PACRGL: variants seen among roughly 807,000 people sequenced by gnomAD.
PACRGL encodes PACRG-like protein.
A neutral mutation model predicts 34.5 loss-of-function variants in PACRGL; 38 were observed. The observed-to-expected ratio is 1.10, with a 90% confidence interval of 0.85 to 1.44. PACRGL has a LOEUF of 1.44. PACRGL is among the 40% of genes most tolerant of loss of function. The pLI, the probability that PACRGL is intolerant of heterozygous loss-of-function variation, is 0.00. For missense variants in PACRGL, 305 were observed against 281.4 expected (o/e 1.08, Z -0.60); for synonymous variants, 128 against 100.1 (o/e 1.28, Z -1.66).
chr4:20,731,940 GC>G lies in PACRGL; in HGVS notation c.*4600del. 6.3e-7 allele frequency: 1 copy of G among 1,597,536 alleles called. No individual in the cohort carries two copies. The highest frequency in any genetic ancestry group is 1.1e-5 in the South Asian group (1 of 88,732). On this transcript the variant is annotated 3_prime_UTR_variant, in exon 9 of 9. Coordinates refer to ENST00000503585, the MANE Select transcript of PACRGL (RefSeq NM_001258345.3). ...TATTTCGCCCAGTTCATGGTAGCTAGCTGCTAATACTCAGTTTAGCTGTTAT... is the reference window on the plus strand; with the variant it reads ...TATTTCGCCCAGTTCATGGTAGCTAGTGCTAATACTCAGTTTAGCTGTTAT...
intron 1 of PACRGL, among the ~76,000 whole-genome samples, chr4:20,703,794 A>G (rs1347459113): frequency 2.0e-5 from 3 of 152,186 alleles, no homozygotes; most frequent in African/African-American, 7.2e-5. Flanking sequence ...AATTGGTAGA[A>G]CTGAGATGCA....
downstream of PACRGL, among the ~76,000 whole-genome samples, chr4:20,735,155 T>C (rs909046840): frequency 6.6e-6 from 1 of 152,234 alleles, no homozygotes; most frequent in Non-Finnish European, 1.5e-5. Context: ...CCATAAAAGA[T>C]AAACCAATTG....
downstream of PACRGL, among the ~76,000 whole-genome samples, chr4:20,756,586 G>A (rs73240300): frequency 0.058 from 8,788 of 151,756 alleles, 340 homozygotes; most frequent in Non-Finnish European, 0.09. Flanking sequence ...GTCTCTATTG[G>A]TTGTCGCTGT....
intron 4 of PACRGL, 73 bp downstream of exon 4, chr4:20,707,943 T>C: frequency 8.7e-7 from 1 of 1,154,520 alleles, no homozygotes; most frequent in Non-Finnish European, 1.3e-6. Flanking sequence ...ATATTTAGTT[T>C]AAATGTATTG....
Position 20,707,844 on chromosome 4 carries a change from TTACTC to T in PACRGL, c.252_256del (p.Tyr84Ter), listed in dbSNP as rs1400931513. The T allele has an allele frequency of 1.5e-5, 25 of 1,613,814 alleles. No homozygotes were observed. The highest frequency in any genetic ancestry group is 3.3e-5 in the South Asian group (3 of 91,056). ...GAGTGCCTTCTGCATTTGCAGCTAT[TTACTC>T]TAAAGGAGGTATTCCTTGCAGGTAA... is the stretch of plus-strand genomic sequence containing the variant. On this transcript the variant is annotated frameshift_variant, in exon 4 of 9. Transcript: ENST00000503585. LOFTEE classifies it high-confidence loss of function.
At chr4:20,711,829 A>G (rs1737388313) in intron 5 of PACRGL, among the ~76,000 whole-genome samples, 1 of 152,126 alleles carries the variant, frequency 6.6e-6, no homozygotes, top group Admixed American at 6.6e-5. Flanking sequence ...TTTTTAAAAT[A>G]TTTTCATACT....
chr4:20,720,485 G>T (rs1742525198), intron 7 of PACRGL, among the ~76,000 whole-genome samples: 1 of 152,150 alleles, frequency 6.6e-6, no homozygotes, highest in Admixed American at 6.5e-5. Flanking sequence ...TCCTTTCCAT[G>T]TTTAGTGTTT....
rs549379843 is a variant in PACRGL at position 20,751,402 on chromosome 4, C to G, written c.*57-1163C>G. Among the ~76,000 whole-genome samples the G allele has an allele frequency of 1.1e-3, 163 of 152,224 alleles. 1 individual carries two copies. Among genetic ancestry groups the G allele is most frequent in the African/African-American group, 3.7e-3 (153 of 41,556 alleles). On this transcript the variant is annotated intron_variant, in intron 8 of 8. Transcript: ENST00000507634. Reference sequence around the variant, plus strand: ...TTGGGAAGCTCCATTATAGAGTTATCAAGAATTGGCAGCCTATTTCAACTT... The same window carrying G: ...TTGGGAAGCTCCATTATAGAGTTATGAAGAATTGGCAGCCTATTTCAACTT...
Position 20,721,917 on chromosome 4 carries a change from C to A in PACRGL, c.610-2891C>A, listed in dbSNP as rs575072491. ...CCTTTTGTTTGGCTATGCCCTGCCC[C>A]CAGAGGTGGAGTCTACAGAGGCAGG... On this transcript the variant is annotated intron_variant, in intron 7 of 8. Coordinates refer to ENST00000503585, the MANE Select transcript of PACRGL (RefSeq NM_001258345.3). Among the ~76,000 whole-genome samples, 701 of 152,316 alleles carry A rather than the reference C, an allele frequency of 4.6e-3. 5 individuals are homozygous for A. The highest frequency in any genetic ancestry group is 0.024 in the Middle Eastern group (7 of 294).
rs1371022977 is a variant in PACRGL at position 20,728,312 on chromosome 4, C to G, written c.*971C>G. The G allele has an allele frequency of 1.3e-5, 2 of 152,110 alleles. No homozygotes were observed. The highest frequency in any genetic ancestry group is 2.9e-5 in the Non-Finnish European group (2 of 68,016). 9.4% of individuals were successfully genotyped at this position (152,110 alleles called of 1,614,324 possible). On this transcript the variant is annotated 3_prime_UTR_variant, in exon 9 of 9. Coordinates refer to ENST00000503585, the MANE Select transcript of PACRGL (RefSeq NM_001258345.3). ...TTCATAGCCAGAAAATACTGATGTT[C>G]ACTTAAAGATATTCAGCAATTAAAA...
At chr4:20,715,999 G>A in intron 7 of PACRGL, 3 of 962,260 alleles carry the variant, frequency 3.1e-6, no homozygotes, top group South Asian at 1.7e-5. Flanking sequence ...ACATGTTTAA[G>A]TATTTTTGTT....
Position 20,730,100 on chromosome 4 carries a change from G to C in PACRGL, c.*2759G>C, listed in dbSNP as rs1476099524. 1 of 1,608,734 alleles carries C rather than the reference G, an allele frequency of 6.2e-7. No homozygotes were observed. Among genetic ancestry groups the C allele is most frequent in the Admixed American group, 1.7e-5 (1 of 58,536 alleles). On this transcript the variant is annotated 3_prime_UTR_variant, in exon 9 of 9. Transcript: ENST00000503585. ...TGACAAGTTAAATCACATTTTCAAA[G>C]AGCTGCATGGAGCGCATTATGTTTT...
At chr4:20,753,222 CTAGT>C (rs1008515386), downstream of PACRGL, among the ~76,000 whole-genome samples, 8 of 152,072 alleles carry the variant, frequency 5.3e-5, no homozygotes, top group South Asian at 8.3e-4. Flanking sequence ...CTGAGGTCAC[CTAGT>C]TAGTTCATGG....
At chr4:20,754,537 A>G (rs1754176741), downstream of PACRGL, among the ~76,000 whole-genome samples, 1 of 152,242 alleles carries the variant, frequency 6.6e-6, no homozygotes, top group South Asian at 2.1e-4. Context: ...TTATGTAAGA[A>G]ACAATTTGTA....
At chr4:20,716,917 A>C (rs1215209182) in intron 7 of PACRGL, among the ~76,000 whole-genome samples, 1 of 152,080 alleles carries the variant, frequency 6.6e-6, no homozygotes, top group Non-Finnish European at 1.5e-5. Flanking sequence ...ACACTGTCTT[A>C]CACAATGGTT....
intron 8 of PACRGL, 144 bp from the exon 9 acceptor site, chr4:20,727,141 A>G: frequency 1.5e-6 from 1 of 669,264 alleles, no homozygotes; most frequent in Non-Finnish European, 2.5e-6. Context: ...TAACTCAGCA[A>G]AAAGTCCTTC....
In PACRGL at chr4:20,732,159, A is replaced by G. The variant is rs142942059; in HGVS notation, c.*4818A>G. 3 of 847,156 alleles carry G rather than the reference A, an allele frequency of 3.5e-6. No homozygotes were observed. The highest frequency in any genetic ancestry group is 4.8e-5 in the Admixed American group (2 of 41,556). The allele number at this position is 847,156 out of a possible 1,614,324, so 52.5% of individuals were successfully genotyped here. A position where few individuals can be genotyped will look rare whatever the true frequency, so the allele number is the denominator to read the frequency against. ...ATGAGCTGAAGCTGATAAAAAGAAA[A>G]CCTAGCTGCTTATTTATTTCACGTG... On this transcript the variant is annotated 3_prime_UTR_variant, in exon 9 of 9. Coordinates refer to ENST00000503585, the MANE Select transcript of PACRGL (RefSeq NM_001258345.3).
In PACRGL at chr4:20,730,164, C is replaced by A; in HGVS notation, c.*2823C>A. The A allele has an allele frequency of 6.3e-7, 1 of 1,584,606 alleles. No individual in the cohort carries two copies. The highest frequency in any genetic ancestry group is 1.2e-5 in the South Asian group (1 of 85,668). On this transcript the variant is annotated 3_prime_UTR_variant, in exon 9 of 9. Transcript: ENST00000503585. The stretch of plus-strand genomic sequence containing the variant: ...AGAAACACAGAGCGATTAAATTCAG[C>A]ATATCTGCAAGGAAAAGTACACTAT...
chr4:20,705,756 A>G (rs1734216128), intron 3 of PACRGL, among the ~76,000 whole-genome samples: 1 of 151,812 alleles, frequency 6.6e-6, no homozygotes, highest in Admixed American at 6.6e-5. Flanking sequence ...AAAATCGAGG[A>G]AAGTTTTGGG....
Sources: gnomAD v4.1 joint callset for allele counts (sites outside exome capture counted in the v4.1 genomes callset) on GRCh38, gnomAD v4.1.1 for gene constraint, MANE v1.5 for transcripts, NCBI Gene and HGNC (gene_info 2026-07-23, HGNC 2026-07-21) for gene names.